ADGRL3: variants seen among roughly 807,000 people sequenced by gnomAD.
ADGRL3 encodes the protein adhesion G protein-coupled receptor L3, also known as calcium-independent alpha-latrotoxin receptor 3.
A neutral mutation model predicts 153.5 loss-of-function variants in ADGRL3; 62 were observed. The observed-to-expected ratio is 0.40, with a 90% confidence interval of 0.33 to 0.50. The LOEUF is 0.50. Ranked by LOEUF, ADGRL3 falls within the 20% of genes least tolerant of loss-of-function variation. ADGRL3 has a pLI of 0.47. For missense variants in ADGRL3, 1,641 were observed against 1,859.4 expected, an observed-to-expected ratio of 0.88 and a Z score of 2.16; for synonymous variants, 710 against 672.5, an observed-to-expected ratio of 1.06 and a Z score of -0.86.
intron 1 of ADGRL3, among the ~76,000 whole-genome samples, chr4:61,284,241 A>G (rs2093838992): frequency 6.6e-6 from 1 of 151,920 alleles, no homozygotes; most frequent in African/African-American, 2.4e-5. Flanking sequence ...TTTGACTTTG[A>G]AGAAGTTGTT....
intron 1 of ADGRL3, among the ~76,000 whole-genome samples, chr4:61,299,714 G>A (rs1239611959): frequency 1.3e-5 from 2 of 152,086 alleles, no homozygotes; most frequent in Admixed American, 6.6e-5. Context: ...TTTGGTATAC[G>A]TGAGGGCTAT....
At chr4:61,234,716 G>A (rs926534712) in intron 1 of ADGRL3, among the ~76,000 whole-genome samples, 1 of 152,178 alleles carries the variant, frequency 6.6e-6, no homozygotes, top group Non-Finnish European at 1.5e-5. Flanking sequence ...AGTGTAATTG[G>A]TGTTGTTTTA....
intron 2 of ADGRL3, among the ~76,000 whole-genome samples, chr4:61,430,036 T>A (rs371510415): frequency 2.0e-5 from 3 of 152,216 alleles, no homozygotes; most frequent in South Asian, 4.1e-4. Flanking sequence ...ACTGAATGCT[T>A]TATCTTCTAA....
chr4:61,485,724 A>C (rs774772144), intron 2 of ADGRL3, among the ~76,000 whole-genome samples: 1 of 152,162 alleles, frequency 6.6e-6, no homozygotes, highest in African/African-American at 2.4e-5. Context: ...TACTACCTCA[A>C]TTCTTACAAC....
intron 8 of ADGRL3, among the ~76,000 whole-genome samples, chr4:61,750,438 AAAG>A (rs2096739745): frequency 6.6e-6 from 1 of 152,166 alleles, no homozygotes; most frequent in Admixed American, 6.5e-5. Context: ...CAGGGATTTA[AAAG>A]AATACAGGTG....
At chr4:61,970,751 A>C (rs1445754784) in intron 17 of ADGRL3, among the ~76,000 whole-genome samples, 1 of 152,178 alleles carries the variant, frequency 6.6e-6, no homozygotes, top group Non-Finnish European at 1.5e-5. Flanking sequence ...AAAAGAAGTA[A>C]GAAATATAAT....
At chr4:61,890,173 C>T (rs1250023956) in intron 9 of ADGRL3, among the ~76,000 whole-genome samples, 1 of 152,048 alleles carries the variant, frequency 6.6e-6, no homozygotes, top group Non-Finnish European at 1.5e-5. Flanking sequence ...TTGTTTGAAA[C>T]AAAAACTGTA....
chr4:61,461,730 A>G (rs2097821727), intron 2 of ADGRL3, among the ~76,000 whole-genome samples: 1 of 152,178 alleles, frequency 6.6e-6, no homozygotes, highest in South Asian at 2.1e-4. Flanking sequence ...TTAGGGACAC[A>G]AAAGCAACCT....
At chr4:61,860,654 C>G (rs2098331380) in intron 9 of ADGRL3, among the ~76,000 whole-genome samples, 3 of 152,108 alleles carry the variant, frequency 2.0e-5, no homozygotes, top group Admixed American at 2.0e-4. Context: ...AGTGTCATGG[C>G]TAAGTTGTGA....
At chr4:61,443,095 T>C (rs973275567) in intron 2 of ADGRL3, among the ~76,000 whole-genome samples, 8 of 152,216 alleles carry the variant, frequency 5.3e-5, no homozygotes, top group African/African-American at 1.9e-4. Context: ...TTCTGACCCT[T>C]TCTTGCCAAA....
At chr4:61,958,838 A>G (rs2098977514) in intron 17 of ADGRL3, among the ~76,000 whole-genome samples, 1 of 152,142 alleles carries the variant, frequency 6.6e-6, no homozygotes, top group South Asian at 2.1e-4. Context: ...CTGAATTCCC[A>G]ATTATGCTAA....
At chr4:61,637,497 C>T (rs2093475156) in intron 5 of ADGRL3, among the ~76,000 whole-genome samples, 1 of 152,154 alleles carries the variant, frequency 6.6e-6, no homozygotes, top group South Asian at 2.1e-4. Flanking sequence ...GGCGTGGTGA[C>T]TTACACCTGT....
intron 6 of ADGRL3, among the ~76,000 whole-genome samples, chr4:61,702,136 C>A (rs1183495822): frequency 2.0e-5 from 3 of 152,076 alleles, no homozygotes; most frequent in Non-Finnish European, 4.4e-5. Context: ...GATAGGAATA[C>A]CAGGCCATTC....
rs368505214 is a variant in ADGRL3 at position 61,786,419 on chromosome 4, G to C, written c.1400-27390G>C. Among the ~76,000 whole-genome samples the C allele has an allele frequency of 7.2e-5, 11 of 152,204 alleles. No homozygotes were observed. In the South Asian group the frequency reaches 2.1e-3, roughly 29 times the overall value. On this transcript the variant is annotated intron_variant, in intron 8 of 26. Transcript: ENST00000683033. Reference sequence around the variant, plus strand: ...TGCCAAAAATGAACACCTTCCCACTGGGGACAGACTTTAAATAAAGAAACC... The same window carrying C: ...TGCCAAAAATGAACACCTTCCCACTCGGGACAGACTTTAAATAAAGAAACC...
At chr4:61,955,071 C>T (rs1236103564) in intron 17 of ADGRL3, among the ~76,000 whole-genome samples, 1 of 152,156 alleles carries the variant, frequency 6.6e-6, no homozygotes, top group Non-Finnish European at 1.5e-5. Context: ...TTTTCAATAA[C>T]ATTACATTTT....
At chr4:61,621,171 C>T (rs2092483543) in intron 5 of ADGRL3, among the ~76,000 whole-genome samples, 1 of 151,900 alleles carries the variant, frequency 6.6e-6, no homozygotes, top group African/African-American at 2.4e-5. Context: ...TTTTTATATC[C>T]TTCTTTTTAC....
At chr4:61,512,246 G>T (rs554883564) in intron 3 of ADGRL3, among the ~76,000 whole-genome samples, 1 of 152,120 alleles carries the variant, frequency 6.6e-6, no homozygotes, top group Non-Finnish European at 1.5e-5. Flanking sequence ...TAGCTAAAGA[G>T]TTTTGTACAT....
chr4:61,836,601 A>G (rs928507217), intron 9 of ADGRL3, among the ~76,000 whole-genome samples: 4 of 152,106 alleles, frequency 2.6e-5, no homozygotes, highest in Non-Finnish European at 1.5e-5. Flanking sequence ...ATCAAGAGAC[A>G]TGTAAAACCC....
intron 2 of ADGRL3, among the ~76,000 whole-genome samples, chr4:61,411,954 A>G (rs2097092920): frequency 1.3e-5 from 2 of 152,376 alleles, no homozygotes; most frequent in Admixed American, 1.3e-4. Context: ...ATGAAAAGTT[A>G]ACAATGTGTT....
Sources: allele counts gnomAD v4.1 joint callset (sites outside exome capture counted in the v4.1 genomes callset), GRCh38; gene constraint gnomAD v4.1.1; transcripts MANE v1.5; gene names NCBI Gene and HGNC (gene_info 2026-07-23, HGNC 2026-07-21).